Variants in ERCC6L observed in about 807,000 individuals in gnomAD.
ERCC6L encodes the protein DNA excision repair protein ERCC-6-like.
In ERCC6L, 7 loss-of-function variants were observed where a neutral mutation model predicts 20.1. The ratio of observed to expected loss-of-function variants is 0.35; its 90% CI spans 0.20 to 0.65. The LOEUF (loss-of-function observed/expected upper bound fraction) is 0.65, where lower values mean the gene tolerates loss of function less well. Ranked by LOEUF, ERCC6L falls within the 30% of genes least tolerant of loss-of-function variation. ERCC6L has a pLI of 0.69. For missense variants in ERCC6L, 592 were observed against 892.4 expected (o/e 0.66, Z 4.29); for synonymous variants, 278 against 331.3 (o/e 0.84, Z 1.75).
At chrX:72,216,833 G>A (rs1569490792) in intron 1 of ERCC6L, among the ~76,000 whole-genome samples, 1 of 111,495 alleles carries the variant, frequency 9.0e-6, no homozygotes, top group Non-Finnish European at 1.9e-5. Context: ...AGGAGCTGGA[G>A]GTACTAAAGG....
intron 1 of ERCC6L, among the ~76,000 whole-genome samples, chrX:72,210,202 A>AAAATAAAT (rs58086876): frequency 0.035 from 3,370 of 97,150 alleles, 59 homozygotes; most frequent in Non-Finnish European, 0.045. Context: ...TGTCTCTTAA[A>AAAATAAAT]AAATAAATAA....
intron 1 of ERCC6L, among the ~76,000 whole-genome samples, chrX:72,224,042 C>G (rs2042940855): frequency 9.0e-6 from 1 of 111,441 alleles, no homozygotes; most frequent in African/African-American, 3.3e-5. Flanking sequence ...CTGGTACTGA[C>G]AACGGAAGAC....
Position 72,234,058 on chromosome X carries a change from TGA to T in ERCC6L, c.68+4784_68+4785del, listed in dbSNP as rs747066978. 3.2e-3 allele frequency among the ~76,000 whole-genome samples: 348 copies of T among 108,643 alleles called. 1 individual carries two copies. The highest frequency in any genetic ancestry group is 0.011 in the African/African-American group (329 of 29,881). The allele number at this position is 108,643 out of a possible 115,157, so 94.3% of individuals were successfully genotyped here. On this transcript the variant is annotated intron_variant, in intron 1 of 1. Coordinates refer to ENST00000334463, the MANE Select transcript of ERCC6L (RefSeq NM_017669.4). ...CTGGGAGGCAGAGGTTGCAGTGAGCTGAGATTGCGCCACTGCACTCCAGCCTG... is the reference window on the plus strand; with the variant it reads ...CTGGGAGGCAGAGGTTGCAGTGAGCTGATTGCGCCACTGCACTCCAGCCTG...
At chrX:72,218,067 G>C (rs1322153464) in intron 1 of ERCC6L, among the ~76,000 whole-genome samples, 1 of 110,491 alleles carries the variant, frequency 9.1e-6, no homozygotes, top group East Asian at 2.9e-4. Context: ...TCAGGAGATC[G>C]AGACCATCCT....
chrX:72,212,945 CAA>C lies in ERCC6L; in HGVS notation c.69-4249_69-4248del, dbSNP rs772696229. On this transcript the variant is annotated intron_variant, in intron 1 of 1. Coordinates refer to ENST00000334463, the MANE Select transcript of ERCC6L (RefSeq NM_017669.4). The stretch of plus-strand genomic sequence containing the variant: ...TGGGCTACAGAGCCAGACCCTGTCT[CAA>C]AAAAAAAAGAATGTGAAGAGACAGA... 4.6e-3 allele frequency among the ~76,000 whole-genome samples: 474 copies of C among 103,711 alleles called. 2 individuals carry two copies. Among genetic ancestry groups the C allele is most frequent in the African/African-American group, 0.015 (434 of 28,536 alleles). 90.1% of individuals were successfully genotyped at this position (103,711 alleles called of 115,157 possible).
intron 1 of ERCC6L, among the ~76,000 whole-genome samples, chrX:72,219,462 G>A (rs986656162): frequency 1.3e-4 from 14 of 109,736 alleles, no homozygotes; most frequent in African/African-American, 4.7e-4. Flanking sequence ...GCAGAGGCAG[G>A]AGAATCGCTT....
At chrX:72,223,302 T>A (rs1383525026) in intron 1 of ERCC6L, among the ~76,000 whole-genome samples, 1 of 98,730 alleles carries the variant, frequency 1.0e-5, no homozygotes, top group Non-Finnish European at 2.0e-5. Context: ...ATCACGCCAT[T>A]GCACTCCAGC....
rs142136151 is a variant in ERCC6L at position 72,205,385 on chromosome X, C to T, written c.3382G>A (p.Glu1128Lys). 0.018 allele frequency: 21,537 copies of T among 1,210,615 alleles called. 156 individuals carry two copies. The highest frequency in any genetic ancestry group is 0.022 in the Non-Finnish European group (19,380 of 895,340). The change falls in exon 2 of 2, where the codon GAA (glutamate) becomes AAA (lysine). Residue 1128 changes from glutamate to lysine, a missense_variant. Glu to Lys is a moderately conservative substitution (Grantham distance 56). Transcript: ENST00000334463. Reference sequence around the variant, plus strand: ...CCACTGCTTTCCTCCACCCCTTCTTCTGGATAATCTTCAGGACCCTTTGCT... The same window carrying T: ...CCACTGCTTTCCTCCACCCCTTCTTTTGGATAATCTTCAGGACCCTTTGCT... ...SEAKGPEDYPEEGVEESSGEA... is the reference protein window; with the variant it reads ...SEAKGPEDYPKEGVEESSGEA...
intron 1 of ERCC6L, among the ~76,000 whole-genome samples, chrX:72,210,542 A>T (rs2042848118): frequency 9.0e-6 from 1 of 111,691 alleles, no homozygotes. Context: ...TAACCTACCC[A>T]GTATCCTGAA....
At chrX:72,217,981 G>C (rs1054954980) in intron 1 of ERCC6L, among the ~76,000 whole-genome samples, 5 of 111,771 alleles carry the variant, frequency 4.5e-5, no homozygotes, top group African/African-American at 1.6e-4. Context: ...TTAAATAATA[G>C]AGATGGGGGC....
chrX:72,213,656 C>T (rs1055221018), intron 1 of ERCC6L, among the ~76,000 whole-genome samples: 2 of 112,351 alleles, frequency 1.8e-5, no homozygotes, highest in African/African-American at 6.5e-5. Flanking sequence ...CGCTCCCAAT[C>T]GGGCTAAAGG....
Position 72,238,995 on chromosome X carries a change from A to G in ERCC6L, c.-84T>C. The G allele has an allele frequency of 1.0e-6, 1 of 971,842 alleles. No individual in the cohort carries two copies. The highest frequency in any genetic ancestry group is 1.4e-6 in the Non-Finnish European group (1 of 700,149). The allele number at this position is 971,842 out of a possible 1,213,427, so 80.1% of individuals were successfully genotyped here. ...TTGGAGCTTGGAGCTTAGAGTTTGGAGCTTGAATTTCGCTCACTCCCGCCC... is the reference window on the plus strand; with the variant it reads ...TTGGAGCTTGGAGCTTAGAGTTTGGGGCTTGAATTTCGCTCACTCCCGCCC... On this transcript the variant is annotated 5_prime_UTR_variant, in exon 1 of 2. Transcript: ENST00000334463.
At chrX:72,215,845 T>C (rs1268897632) in intron 1 of ERCC6L, among the ~76,000 whole-genome samples, 2 of 110,648 alleles carry the variant, frequency 1.8e-5, no homozygotes, top group Non-Finnish European at 3.8e-5. Context: ...CCGCTTGGGT[T>C]CAGTGGCATA....
At chrX:72,229,520 G>A (rs982501698) in intron 1 of ERCC6L, among the ~76,000 whole-genome samples, 9 of 111,587 alleles carry the variant, frequency 8.1e-5, no homozygotes, top group Non-Finnish European at 1.5e-4. Flanking sequence ...ATGAACCACA[G>A]GAAAGAAAAA....
rs772617159 is a variant in ERCC6L, at chrX:72,238,962, C to G, written c.-51G>C. ...CCCGGCGGGAGTTTGGAGCTTGGAG[C>G]TTGGAGCTTGGAGCTTGGAGCTTAG... On this transcript the variant is annotated 5_prime_UTR_variant, in exon 1 of 2. Coordinates refer to ENST00000334463, the MANE Select transcript of ERCC6L (RefSeq NM_017669.4). The G allele has an allele frequency of 1.0e-6, 1 of 997,776 alleles. No homozygotes were observed. The allele number at this position is 997,776 out of a possible 1,213,427, so 82.2% of individuals were successfully genotyped here.
intron 1 of ERCC6L, among the ~76,000 whole-genome samples, chrX:72,222,400 T>C (rs749003173): frequency 1.8e-5 from 2 of 111,288 alleles, no homozygotes; most frequent in Non-Finnish European, 3.8e-5. Context: ...ACCAAGCCCC[T>C]ATATAAAATC....
At chrX:72,221,429 G>A (rs976046583) in intron 1 of ERCC6L, among the ~76,000 whole-genome samples, 17 of 110,956 alleles carry the variant, frequency 1.5e-4, no homozygotes, top group African/African-American at 5.3e-4. Flanking sequence ...TTTAGAAAGA[G>A]GACGCCGGGT....
intron 1 of ERCC6L, among the ~76,000 whole-genome samples, chrX:72,238,273 C>T (rs1395129709): frequency 9.0e-6 from 1 of 111,697 alleles, no homozygotes; most frequent in East Asian, 2.8e-4. Context: ...TTACCACGCC[C>T]CCCACCCTTA....
intron 1 of ERCC6L, among the ~76,000 whole-genome samples, chrX:72,231,066 C>A (rs1254064029): frequency 8.9e-6 from 1 of 112,247 alleles, no homozygotes; most frequent in Non-Finnish European, 1.9e-5. Flanking sequence ...AGCAATCTCA[C>A]TTCTGGGTAC....
Sources: gnomAD v4.1 joint callset for allele counts (sites outside exome capture counted in the v4.1 genomes callset) on GRCh38, gnomAD v4.1.1 for gene constraint, MANE v1.5 for transcripts, NCBI Gene and HGNC (gene_info 2026-07-23, HGNC 2026-07-21) for gene names.